STPG4: variants seen among roughly 807,000 people sequenced by gnomAD.
STPG4 encodes sperm-tail PG-rich repeat containing 4.
In STPG4, 41 loss-of-function variants were observed where a neutral mutation model predicts 31.5. The observed-to-expected ratio is 1.30, with a 90% CI of 1.01 to 1.69. The LOEUF (loss-of-function observed/expected upper bound fraction) is 1.69. STPG4 is among the 40% of genes most tolerant of loss of function. The pLI, the probability that STPG4 is intolerant of heterozygous loss-of-function variation, is 0.00. For missense variants in STPG4, 375 were observed against 293.4 expected, an observed-to-expected ratio of 1.28 and a Z score of -2.03; for synonymous variants, 141 against 103.0, an observed-to-expected ratio of 1.37 and a Z score of -2.24.
At chr2:47,124,927 C>T (rs1265616930) in intron 5 of STPG4, among the ~76,000 whole-genome samples, 2 of 152,168 alleles carry the variant, frequency 1.3e-5, no homozygotes, top group East Asian at 3.8e-4. Context: ...TCCTCGCCAG[C>T]ATTCACTATT....
At chr2:47,112,474 C>T (rs1686058317) in intron 5 of STPG4, among the ~76,000 whole-genome samples, 1 of 152,050 alleles carries the variant, frequency 6.6e-6, no homozygotes, top group Admixed American at 6.6e-5. Flanking sequence ...CTGGCCTAAC[C>T]TTTGAGATTG....
intron 5 of STPG4, among the ~76,000 whole-genome samples, chr2:47,109,154 G>A (rs111594723): frequency 6.6e-5 from 10 of 152,202 alleles, no homozygotes; most frequent in African/African-American, 2.2e-4. Flanking sequence ...AATTCTTCAC[G>A]CTCACAGCTG....
chr2:47,097,858 C>T (rs1464440776), intron 5 of STPG4, among the ~76,000 whole-genome samples: 1 of 151,848 alleles, frequency 6.6e-6, no homozygotes, highest in East Asian at 1.9e-4. Context: ...TGGCTCACGC[C>T]TGTAATCCCA....
chr2:47,123,406 G>A (rs968594579), intron 5 of STPG4, among the ~76,000 whole-genome samples: 1 of 152,104 alleles, frequency 6.6e-6, no homozygotes, highest in Non-Finnish European at 1.5e-5. Flanking sequence ...TAGGTGCTAG[G>A]TATACAGGAA....
At chr2:47,137,365 T>C (rs188772735) in intron 3 of STPG4, among the ~76,000 whole-genome samples, 9 of 152,348 alleles carry the variant, frequency 5.9e-5, no homozygotes, top group Admixed American at 3.9e-4. Flanking sequence ...TAATACATTG[T>C]TAGACTTAAT....
At chr2:47,133,591 T>TTTTTTTTTTA (rs1323921219) in intron 3 of STPG4, among the ~76,000 whole-genome samples, 2 of 143,324 alleles carry the variant, frequency 1.4e-5, no homozygotes, top group Non-Finnish European at 3.0e-5. Flanking sequence ...TTTTTTTTTT[T>TTTTTTTTTTA]TTTGAGACTG....
chr2:47,124,943 T>C lies in STPG4; in HGVS notation c.519+4998A>G, dbSNP rs147431043. Among the ~76,000 whole-genome samples, 446 of 152,314 alleles carry C rather than the reference T, an allele frequency of 2.9e-3. 7 individuals are homozygous for C. In the East Asian group the frequency reaches 0.047, roughly 16 times the overall value. On this transcript the variant is annotated intron_variant, in intron 5 of 6. Coordinates refer to ENST00000445927, the MANE Select transcript of STPG4 (RefSeq NM_001163561.2). ...CCTCGCCAGCATTCACTATTGCCTGTATTTTGGATATAAGTCATTTAAACT... is the reference window on the plus strand; with the variant it reads ...CCTCGCCAGCATTCACTATTGCCTGCATTTTGGATATAAGTCATTTAAACT...
chr2:47,153,429 A>C (rs1343915706), intron 1 of STPG4, among the ~76,000 whole-genome samples: 1 of 152,196 alleles, frequency 6.6e-6, no homozygotes, highest in Non-Finnish European at 1.5e-5. Context: ...GTAGTATAAA[A>C]ATAAGGCACT....
intron 5 of STPG4, among the ~76,000 whole-genome samples, chr2:47,109,699 C>A (rs1685998059): frequency 6.6e-6 from 1 of 152,174 alleles, no homozygotes; most frequent in African/African-American, 2.4e-5. Context: ...CTTCCAAATT[C>A]CATTCAAGCA....
intron 3 of STPG4, among the ~76,000 whole-genome samples, chr2:47,132,933 A>G (rs1686515465): frequency 6.6e-6 from 1 of 152,202 alleles, no homozygotes; most frequent in Non-Finnish European, 1.5e-5. Flanking sequence ...ATTACTCTGG[A>G]AAGGAATATT....
chr2:47,142,076 T>C (rs1265631344), intron 3 of STPG4, among the ~76,000 whole-genome samples: 1 of 151,586 alleles, frequency 6.6e-6, no homozygotes, highest in Non-Finnish European at 1.5e-5. Flanking sequence ...TGGAGCATTC[T>C]GCAAATTAAT....
In STPG4 at chr2:47,091,050, G is replaced by A. The variant is rs564471422; in HGVS notation, c.520-676C>T. Among the ~76,000 whole-genome samples, 11 of 151,786 alleles carry A rather than the reference G, an allele frequency of 7.2e-5. 1 individual carries two copies. Among genetic ancestry groups the A allele is most frequent in the African/African-American group, 2.2e-4 (9 of 41,404 alleles). On this transcript the variant is annotated intron_variant, in intron 5 of 6. Transcript: ENST00000445927. ...AAAACAAACTTCCTTTTTTTCCCAC[G>A]GGGTGAGGGGAAGGGGGTTCTAAAA...
intron 5 of STPG4, among the ~76,000 whole-genome samples, chr2:47,123,675 C>T (rs560295279): frequency 3.3e-5 from 5 of 152,060 alleles, no homozygotes; most frequent in South Asian, 2.1e-4. Flanking sequence ...ACTCATTTCT[C>T]GTATATCTTC....
chr2:47,098,258 G>A (rs577534462), intron 5 of STPG4, among the ~76,000 whole-genome samples: 49 of 152,282 alleles, frequency 3.2e-4, no homozygotes, highest in African/African-American at 1.0e-3. Flanking sequence ...CCCACAGACC[G>A]GAGAGCCAGA....
At chr2:47,108,894 G>T (rs1164989071) in intron 5 of STPG4, 1 of 152,260 alleles carries the variant, frequency 6.6e-6, no homozygotes, top group Non-Finnish European at 1.5e-5. Flanking sequence ...AAATGGGCAG[G>T]GTGCGGCCCT....
intron 5 of STPG4, among the ~76,000 whole-genome samples, chr2:47,092,965 G>A (rs1685601514): frequency 6.6e-6 from 1 of 152,168 alleles, no homozygotes. Context: ...GCTAATGTTT[G>A]TATTTTTAGT....
chr2:47,148,637 C>G (rs1162841254), intron 3 of STPG4, among the ~76,000 whole-genome samples: 1 of 152,094 alleles, frequency 6.6e-6, no homozygotes, highest in Non-Finnish European at 1.5e-5. Context: ...CCCGTGAACT[C>G]GTCATTTACA....
At chr2:47,117,955 C>G (rs1003024619) in intron 5 of STPG4, among the ~76,000 whole-genome samples, 1 of 150,478 alleles carries the variant, frequency 6.6e-6, no homozygotes, top group African/African-American at 2.5e-5. Flanking sequence ...GAGATGAGGT[C>G]TTGCTCTGTT....
chr2:47,093,887 A>G (rs559942679), intron 5 of STPG4, among the ~76,000 whole-genome samples: 2 of 152,346 alleles, frequency 1.3e-5, no homozygotes, highest in East Asian at 1.9e-4. Flanking sequence ...GAGACTGCTC[A>G]TGGCCGGGCC....
Sources: allele counts gnomAD v4.1 joint callset (sites outside exome capture counted in the v4.1 genomes callset), GRCh38; gene constraint gnomAD v4.1.1; transcripts MANE v1.5; gene names NCBI Gene and HGNC (gene_info 2026-07-23, HGNC 2026-07-21).